HS6ST3: variants seen among roughly 807,000 people sequenced by gnomAD.
HS6ST3 encodes heparan-sulfate 6-O-sulfotransferase 3.
Under a neutral mutation model 36.7 loss-of-function variants are expected in HS6ST3, and 12 were observed. That is an observed-to-expected ratio of 0.33 (90% CI 0.21 to 0.53). The LOEUF (loss-of-function observed/expected upper bound fraction) is 0.53, where lower values mean the gene tolerates loss of function less well. Among genes scored for constraint, HS6ST3 ranks in the 20% least tolerant of loss-of-function variants. HS6ST3 has a pLI of 0.95. For synonymous variants in HS6ST3, 240 were observed against 257.5 expected (o/e 0.93, Z 0.65); for missense variants, 584 against 640.9 (o/e 0.91, Z 0.96).
At chr13:96,471,645 C>T (rs1326621626) in intron 1 of HS6ST3, among the ~76,000 whole-genome samples, 1 of 152,174 alleles carries the variant, frequency 6.6e-6, no homozygotes, top group Non-Finnish European at 1.5e-5. Flanking sequence ...TCCAGGATAG[C>T]TTCCATACTC....
At chr13:96,811,315 G>A (rs963314753) in intron 1 of HS6ST3, among the ~76,000 whole-genome samples, 2 of 152,124 alleles carry the variant, frequency 1.3e-5, no homozygotes, top group Non-Finnish European at 2.9e-5. Flanking sequence ...AGGGCTTTTC[G>A]ACTTCTGATA....
At chr13:96,570,324 A>G (rs574433449) in intron 1 of HS6ST3, among the ~76,000 whole-genome samples, 124 of 152,304 alleles carry the variant, frequency 8.1e-4, no homozygotes, top group African/African-American at 2.9e-3. Flanking sequence ...GTTTAATATC[A>G]TTTGTATTCC....
intron 1 of HS6ST3, among the ~76,000 whole-genome samples, chr13:96,813,774 A>T (rs947690924): frequency 6.6e-6 from 1 of 152,180 alleles, no homozygotes; most frequent in Non-Finnish European, 1.5e-5. Flanking sequence ...CCCTGTAAAT[A>T]CTCACAAATG....
At chr13:96,389,658 T>C (rs1234120233) in intron 1 of HS6ST3, among the ~76,000 whole-genome samples, 1 of 152,192 alleles carries the variant, frequency 6.6e-6, no homozygotes, top group African/African-American at 2.4e-5. Context: ...AATATGAGTG[T>C]ATAATATATA....
At chr13:96,493,200 A>G (rs540366101) in intron 1 of HS6ST3, among the ~76,000 whole-genome samples, 1 of 152,306 alleles carries the variant, frequency 6.6e-6, no homozygotes, top group East Asian at 1.9e-4. Flanking sequence ...TTAAACACAA[A>G]AAAAGATCTG....
chr13:96,646,196 T>C (rs1315547369), intron 1 of HS6ST3, among the ~76,000 whole-genome samples: 2 of 152,060 alleles, frequency 1.3e-5, no homozygotes, highest in Non-Finnish European at 2.9e-5. Context: ...GACAAGAGTC[T>C]CCAATTTATT....
At chr13:96,298,728 G>A (rs766076551) in intron 1 of HS6ST3, among the ~76,000 whole-genome samples, 45 of 152,292 alleles carry the variant, frequency 3.0e-4, no homozygotes, top group South Asian at 6.2e-4. Flanking sequence ...ACAGAATGAG[G>A]TTATCGTGTT....
intron 1 of HS6ST3, among the ~76,000 whole-genome samples, chr13:96,350,777 A>G (rs2055178025): frequency 6.6e-6 from 1 of 152,230 alleles, no homozygotes; most frequent in Non-Finnish European, 1.5e-5. Flanking sequence ...TTAGTGCAGC[A>G]CAATGAAGAG....
At chr13:96,354,267 C>T (rs1433994481) in intron 1 of HS6ST3, among the ~76,000 whole-genome samples, 3 of 152,136 alleles carry the variant, frequency 2.0e-5, no homozygotes, top group Non-Finnish European at 4.4e-5. Flanking sequence ...ACATGCAGAA[C>T]ACTGGTTGCT....
At position 96,091,484 on chromosome 13, in the gene HS6ST3, C is replaced by T; in HGVS notation, c.622C>T (p.Leu208=). 6.2e-7 allele frequency: 1 copy of T among 1,604,440 alleles called. No homozygotes were observed. Among genetic ancestry groups the T allele is most frequent in the Non-Finnish European group, 8.5e-7 (1 of 1,177,140 alleles). ...CTTCTCCACCGGCTGGAGCTGCGGG[C>T]TGCACGCCGACTGGACGGAGCTCAC... The part of the protein sequence containing the change: ...SRFSTGWSCG[L]HADWTELTNC... Residue 208 remains leucine (L), a synonymous_variant, in exon 1 of 2, where the codon CTG becomes TTG. Coordinates refer to ENST00000376705, the MANE Select transcript of HS6ST3 (RefSeq NM_153456.4).
intron 1 of HS6ST3, among the ~76,000 whole-genome samples, chr13:96,438,741 C>A (rs1004029849): frequency 7.1e-4 from 108 of 152,244 alleles, no homozygotes; most frequent in African/African-American, 2.6e-3. Flanking sequence ...GCCAGGTAGT[C>A]CAGAATTCTG....
chr13:96,740,752 G>A (rs1451163152), intron 1 of HS6ST3, among the ~76,000 whole-genome samples: 1 of 152,094 alleles, frequency 6.6e-6, no homozygotes, highest in African/African-American at 2.4e-5. Context: ...GGAAGGTAGT[G>A]CTCCTCAGAT....
At chr13:96,095,655 C>CA (rs1435169283) in intron 1 of HS6ST3, among the ~76,000 whole-genome samples, 1 of 152,096 alleles carries the variant, frequency 6.6e-6, no homozygotes, top group Non-Finnish European at 1.5e-5. Context: ...TGGCCAATTC[C>CA]ACAAGATGGG....
chr13:96,545,449 T>A (rs1041873521), intron 1 of HS6ST3, among the ~76,000 whole-genome samples: 2 of 152,074 alleles, frequency 1.3e-5, no homozygotes, highest in African/African-American at 2.4e-5. Context: ...TATTTTAGAG[T>A]TTATCTCAAA....
intron 1 of HS6ST3, among the ~76,000 whole-genome samples, chr13:96,666,521 A>G (rs1444068559): frequency 6.6e-6 from 1 of 152,020 alleles, no homozygotes; most frequent in East Asian, 1.9e-4. Context: ...ATACTATTAT[A>G]CTATAGTAGT....
intron 1 of HS6ST3, among the ~76,000 whole-genome samples, chr13:96,269,574 A>G (rs952955934): frequency 2.0e-5 from 3 of 151,996 alleles, no homozygotes; most frequent in African/African-American, 2.4e-5. Context: ...ATAATCTGTA[A>G]CTGAAAAATT....
At chr13:96,105,402 G>A (rs936713205) in intron 1 of HS6ST3, among the ~76,000 whole-genome samples, 6 of 152,152 alleles carry the variant, frequency 3.9e-5, no homozygotes, top group Admixed American at 3.9e-4. Context: ...TATAATCCCG[G>A]CACTTTGGGA....
intron 1 of HS6ST3, among the ~76,000 whole-genome samples, chr13:96,825,245 G>T (rs1878624161): frequency 6.6e-6 from 1 of 152,154 alleles, no homozygotes; most frequent in Admixed American, 6.5e-5. Flanking sequence ...TCTTTGGATA[G>T]GCAAGTCATA....
intron 1 of HS6ST3, among the ~76,000 whole-genome samples, chr13:96,310,393 T>G (rs1408594207): frequency 1.3e-5 from 2 of 152,178 alleles, no homozygotes; most frequent in Admixed American, 1.3e-4. Flanking sequence ...CTTAAGAGTC[T>G]TGGGTTTGCA....
Sources: gnomAD v4.1 joint callset for allele counts (sites outside exome capture counted in the v4.1 genomes callset) on GRCh38, gnomAD v4.1.1 for gene constraint, MANE v1.5 for transcripts, NCBI Gene and HGNC (gene_info 2026-07-23, HGNC 2026-07-21) for gene names.